Variants in EPHA5 observed in about 807,000 individuals in gnomAD.
EPHA5 encodes the protein ephrin type-A receptor 5.
EPHA5 carries 60 observed loss-of-function variants against 105.0 expected under a neutral mutation model. That is an observed-to-expected ratio of 0.57 (90% CI 0.46 to 0.71). The LOEUF (loss-of-function observed/expected upper bound fraction) is 0.71, where lower values mean the gene tolerates loss of function less well. EPHA5 is among the 30% of genes least tolerant of loss of function. EPHA5 has a pLI of 0.00. For missense variants in EPHA5, 1,218 were observed against 1,274.7 expected (o/e 0.96, Z 0.68); for synonymous variants, 513 against 449.1 (o/e 1.14, Z -1.80).
chr4:65,553,977 G>A (rs940884159), intron 3 of EPHA5, among the ~76,000 whole-genome samples: 12 of 151,922 alleles, frequency 7.9e-5, no homozygotes, highest in South Asian at 6.2e-4. Context: ...AAAAATTTAA[G>A]TCTCCAAATT....
At position 65,365,085 on chromosome 4, in the gene EPHA5, C is replaced by G. The variant is rs374393697; in HGVS notation, c.2105G>C (p.Gly702Ala). The change falls in exon 11 of 17, where the codon GGT (glycine) becomes GCT (alanine). Residue 702 changes from glycine (G) to alanine (A), a missense_variant. By Grantham distance (60) the Gly-to-Ala change is moderately conservative (BLOSUM62 0). This residue lies in a region of EPHA5 where 971 missense variants were observed against 1,013.5 expected (regional missense o/e 0.96). Coordinates refer to ENST00000613740, the MANE Select transcript of EPHA5 (RefSeq NM_001281766.3). ...YTEKQRRDFLGEASIMGQFDH... is the reference protein window; with the variant it reads ...YTEKQRRDFLAEASIMGQFDH... ...AAACTGTCCCATGATACTTGCTTCA[C>G]CTAGGAAATCTCTGCGTTGCTTTTC... 3.7e-6 allele frequency: 6 copies of G among 1,611,736 alleles called. No homozygotes were observed. In the African/African-American group the frequency reaches 6.7e-5, roughly 18 times the overall value.
chr4:65,530,222 T>C (rs1735637862), intron 3 of EPHA5, among the ~76,000 whole-genome samples: 2 of 152,110 alleles, frequency 1.3e-5, no homozygotes, highest in Non-Finnish European at 2.9e-5. Flanking sequence ...CTATGCCCAG[T>C]AATAGAAAAA....
intron 3 of EPHA5, among the ~76,000 whole-genome samples, chr4:65,511,916 G>A (rs1016740779): frequency 6.6e-6 from 1 of 152,102 alleles, no homozygotes; most frequent in African/African-American, 2.4e-5. Flanking sequence ...TAAAAGAGAG[G>A]TGTCCTAGAA....
At chr4:65,511,775 A>C (rs969048333) in intron 3 of EPHA5, among the ~76,000 whole-genome samples, 3 of 152,190 alleles carry the variant, frequency 2.0e-5, no homozygotes, top group Non-Finnish European at 4.4e-5. Flanking sequence ...TCTCAGACTA[A>C]TACTTTGGTT....
intron 5 of EPHA5, among the ~76,000 whole-genome samples, chr4:65,466,247 T>A (rs1380513255): frequency 6.6e-6 from 1 of 152,204 alleles, no homozygotes; most frequent in East Asian, 1.9e-4. Context: ...AATGTGGATA[T>A]TTTAGAAAAG....
At chr4:65,367,576 T>C in intron 8 of EPHA5, 152 bp from the exon 9 acceptor site, 1 of 671,246 alleles carries the variant, frequency 1.5e-6, no homozygotes, top group Non-Finnish European at 2.6e-6. Context: ...GTAGTTTGGA[T>C]GAGACCTATG....
chr4:65,348,615 C>A (rs1722444250), intron 13 of EPHA5, among the ~76,000 whole-genome samples: 1 of 143,194 alleles, frequency 7.0e-6, no homozygotes, highest in African/African-American at 2.6e-5. Flanking sequence ...ATGAATGTGA[C>A]CCTGAGCTGT....
intron 2 of EPHA5, among the ~76,000 whole-genome samples, chr4:65,633,365 T>C (rs1231000326): frequency 2.1e-5 from 3 of 142,086 alleles, no homozygotes; most frequent in Admixed American, 1.4e-4. Context: ...TGAAGGATGA[T>C]AGGAAAAAAA....
intron 3 of EPHA5, among the ~76,000 whole-genome samples, chr4:65,525,079 G>T (rs1735106039): frequency 6.6e-6 from 1 of 151,554 alleles, no homozygotes; most frequent in Admixed American, 6.6e-5. Context: ...TATATCTCAT[G>T]CCTTAAGAAA....
chr4:65,431,931 C>G (rs1308245723), intron 5 of EPHA5, among the ~76,000 whole-genome samples: 2 of 151,776 alleles, frequency 1.3e-5, no homozygotes, highest in Non-Finnish European at 2.9e-5. Flanking sequence ...GCCAATGAAA[C>G]AGGAAAGTGG....
At chr4:65,644,072 T>G (rs1747906232) in intron 1 of EPHA5, among the ~76,000 whole-genome samples, 1 of 152,056 alleles carries the variant, frequency 6.6e-6, no homozygotes, top group Non-Finnish European at 1.5e-5. Context: ...TTCTTAGATA[T>G]GACCATAGTC....
intron 13 of EPHA5, among the ~76,000 whole-genome samples, chr4:65,349,104 C>T (rs1272215059): frequency 6.6e-6 from 1 of 151,950 alleles, no homozygotes; most frequent in Non-Finnish European, 1.5e-5. Flanking sequence ...GCGTGAGCTA[C>T]TGGGCCCAGC....
chr4:65,614,641 C>T (rs1745064758), intron 2 of EPHA5, among the ~76,000 whole-genome samples: 1 of 151,800 alleles, frequency 6.6e-6, no homozygotes, highest in African/African-American at 2.4e-5. Context: ...TAAATATAGG[C>T]TAATGCTTCA....
At chr4:65,650,568 A>C (rs1393840105) in intron 1 of EPHA5, among the ~76,000 whole-genome samples, 1 of 151,010 alleles carries the variant, frequency 6.6e-6, no homozygotes, top group Non-Finnish European at 1.5e-5. Flanking sequence ...TCAAAAAAAA[A>C]AAAAGAGCTA....
rs771057848 is a variant in EPHA5 at position 65,465,467 on chromosome 4, A to AAGG, written c.1402+24909_1402+24910insCCT. Reference sequence around the variant, plus strand: ...AAGAAAGAAAGAAAGAAAAGAAAGAAAAAGAAAGAAAGAAAGAAAGAAAGA... The same window carrying AAGG: ...AAGAAAGAAAGAAAGAAAAGAAAGAAAGGAAAGAAAGAAAGAAAGAAAGAAAGA... On this transcript the variant is annotated intron_variant, in intron 5 of 16. Transcript: ENST00000613740. Among the ~76,000 whole-genome samples the AAGG allele has an allele frequency of 5.9e-3, 441 of 75,110 alleles. 13 individuals are homozygous for AAGG. The highest frequency in any genetic ancestry group is 0.026 in the African/African-American group (430 of 16,462). The allele number at this position is 75,110 out of a possible 152,430, so 49.3% of individuals were successfully genotyped here.
At chr4:65,453,520 T>G (rs1727265734) in intron 5 of EPHA5, among the ~76,000 whole-genome samples, 1 of 152,082 alleles carries the variant, frequency 6.6e-6, no homozygotes, top group African/African-American at 2.4e-5. Flanking sequence ...CCTGATAAGA[T>G]CTCAGGAGCT....
At chr4:65,572,823 G>C (rs1740335642) in intron 3 of EPHA5, among the ~76,000 whole-genome samples, 1 of 150,416 alleles carries the variant, frequency 6.6e-6, no homozygotes, top group Non-Finnish European at 1.5e-5. Context: ...CTGAGGTCAG[G>C]AGTTTGAGAC....
intron 13 of EPHA5, among the ~76,000 whole-genome samples, chr4:65,349,903 T>C (rs1722652899): frequency 6.6e-6 from 1 of 152,152 alleles, no homozygotes; most frequent in East Asian, 1.9e-4. Context: ...CCTCTGATCA[T>C]CCTTCATGTC....
At chr4:65,621,229 A>T (rs540553220) in intron 2 of EPHA5, among the ~76,000 whole-genome samples, 16 of 152,274 alleles carry the variant, frequency 1.1e-4, no homozygotes, top group African/African-American at 3.8e-4. Flanking sequence ...TGTTTACACA[A>T]ATTGCCTCAT....
Sources: allele counts gnomAD v4.1 joint callset (sites outside exome capture counted in the v4.1 genomes callset), GRCh38; gene constraint gnomAD v4.1.1; regional missense constraint gnomAD v4.1.1; transcripts MANE v1.5; gene names NCBI Gene and HGNC (gene_info 2026-07-23, HGNC 2026-07-21).